Variants in CPS1 observed in about 807,000 individuals in gnomAD.
CPS1 encodes the protein carbamoyl-phosphate synthase 1, also known as carbamoyl-phosphate synthase [ammonia], mitochondrial.
In CPS1, 109 loss-of-function variants were observed where a neutral mutation model predicts 174.6. That is an observed-to-expected ratio of 0.62 (90% CI 0.53 to 0.73). CPS1 has a LOEUF of 0.73. CPS1 is among the 30% of genes least tolerant of loss of function. The pLI, the probability that CPS1 is intolerant of heterozygous loss-of-function variation, is 0.00. For synonymous variants in CPS1, 637 were observed against 632.0 expected, an observed-to-expected ratio of 1.01 and a Z score of -0.12; for missense variants, 1,689 against 1,821.9, an observed-to-expected ratio of 0.93 and a Z score of 1.33.
intron 21 of CPS1, among the ~76,000 whole-genome samples, chr2:210,628,714 C>T (rs1045368114): frequency 6.6e-6 from 1 of 151,796 alleles, no homozygotes; most frequent in African/African-American, 2.4e-5. Flanking sequence ...GCAGGAGAAT[C>T]GCCTGAACTG....
intron 2 of CPS1, among the ~76,000 whole-genome samples, chr2:210,575,065 A>T (rs570599737): frequency 6.6e-6 from 1 of 152,208 alleles, no homozygotes; most frequent in East Asian, 1.9e-4. Flanking sequence ...TTAAAAAATT[A>T]TCAGTTCCTG....
rs528112373 is a variant in CPS1 at position 210,506,678 on chromosome 2, T to C, written c.3+28912T>C. ...TAGAATAACCAATGCAAAGAAGTCC[T>C]TAAAGGACCTGATGGAGCTGAAAAC... On this transcript the variant is annotated intron_variant, in intron 1 of 38. Transcript: ENST00000430249. Among the ~76,000 whole-genome samples the C allele has an allele frequency of 1.2e-4, 19 of 152,234 alleles. No homozygotes were observed. The South Asian group carries it at 4.0e-3, about 32-fold the overall frequency.
At chr2:210,528,008 C>T (rs1288785771) in intron 1 of CPS1, among the ~76,000 whole-genome samples, 1 of 151,868 alleles carries the variant, frequency 6.6e-6, no homozygotes, top group Admixed American at 6.6e-5. Flanking sequence ...TGATCAGACT[C>T]TCTGTATGAG....
At chr2:210,593,614 CA>C in intron 11 of CPS1, 3 of 985,318 alleles carry the variant, frequency 3.0e-6, no homozygotes, top group Non-Finnish European at 3.6e-6. Flanking sequence ...GTGACTTCCC[CA>C]CACCCAGGGG....
intron 13 of CPS1, among the ~76,000 whole-genome samples, chr2:210,599,055 G>C (rs183356005): frequency 1.3e-5 from 2 of 151,936 alleles, no homozygotes; most frequent in East Asian, 3.9e-4. Context: ...TTGAACTACA[G>C]GGTTCAGTAA....
Position 210,588,109 on chromosome 2 carries a change from T to C in CPS1, c.673T>C (p.Cys225Arg). 6.2e-7 allele frequency: 1 copy of C among 1,613,058 alleles called. No homozygotes were observed. Among genetic ancestry groups the C allele is most frequent in the Non-Finnish European group, 8.5e-7 (1 of 1,179,262 alleles). ...CCCCACAAAAGTGGTAGCTGTAGAC[T>C]GTGGGATTAAAAACAATGTAATCCG... ...GNPTKVVAVD[C>R]GIKNNVIRLL... Residue 225 changes from cysteine to arginine, a missense_variant, in exon 7 of 38, where the codon TGT (cysteine) becomes CGT (arginine). Physicochemically the swap from Cys to Arg is radical, Grantham distance 180 (BLOSUM62 -3). Transcript: ENST00000233072.
intron 1 of CPS1, among the ~76,000 whole-genome samples, chr2:210,567,308 A>G (rs1480281223): frequency 6.6e-6 from 1 of 152,192 alleles, no homozygotes; most frequent in Non-Finnish European, 1.5e-5. Flanking sequence ...AAGATGTACC[A>G]GGATTATACA....
chr2:210,496,515 T>C (rs1366467480), intron 1 of CPS1, among the ~76,000 whole-genome samples: 3 of 152,202 alleles, frequency 2.0e-5, no homozygotes, highest in Non-Finnish European at 4.4e-5. Context: ...CAGCAGATCA[T>C]GTTTCTTGGC....
chr2:210,556,633 TGCACCCCTCC>T lies in CPS1; in HGVS notation c.-100_-91del. The stretch of plus-strand genomic sequence containing the variant: ...TGTGCAGTCAGCCTTAAACACTGAC[TGCACCCCTCC>T]CAGATTTCTTTTACATTAACTAAAA... On this transcript the variant is annotated 5_prime_UTR_variant, in exon 1 of 38. Transcript: ENST00000233072. The T allele has an allele frequency of 3.5e-5, 54 of 1,562,804 alleles. 2 individuals carry two copies. The South Asian group carries it at 6.3e-4, about 18-fold the overall frequency.
chr2:210,556,813 A>G lies in CPS1; in HGVS notation c.80A>G (p.Gln27Arg), dbSNP rs1279373364. 6.2e-7 allele frequency: 1 copy of G among 1,613,048 alleles called. No homozygotes were observed. Among genetic ancestry groups the G allele is most frequent in the African/African-American group, 1.3e-5 (1 of 74,874 alleles). The part of the protein sequence containing the change: ...GFGFTNVTAH[Q>R]KWKFSRPGIR... ...GGCTTTACCAATGTGACTGCACACC[A>G]AAAATGGAAATTTTCAAGACCTGGC... Residue 27 changes from glutamine (Q) to arginine (R), a missense_variant, in exon 1 of 38, where the codon CAA (glutamine) becomes CGA (arginine). Gln to Arg is a conservative substitution (Grantham distance 43). Coordinates refer to ENST00000233072, the MANE Select transcript of CPS1 (RefSeq NM_001875.5).
intron 13 of CPS1, among the ~76,000 whole-genome samples, chr2:210,599,168 T>A (rs1371688695): frequency 6.6e-6 from 1 of 151,884 alleles, no homozygotes; most frequent in Non-Finnish European, 1.5e-5. Context: ...CCAATTCTTT[T>A]GGATAGTTTC....
chr2:210,676,029 T>C (rs141339481), intron 36 of CPS1, among the ~76,000 whole-genome samples, 189 bp downstream of exon 36: 2 of 152,230 alleles, frequency 1.3e-5, no homozygotes, highest in African/African-American at 2.4e-5. Flanking sequence ...TACATGGTGA[T>C]ATGAAACGTG....
rs888344814 is a variant in CPS1, at chr2:210,579,230, G to A, written c.472-484G>A. 7.9e-5 allele frequency among the ~76,000 whole-genome samples: 12 copies of A among 151,964 alleles called. 1 individual carries two copies. The highest frequency in any genetic ancestry group is 2.9e-4 in the African/African-American group (12 of 41,366). ...TATACCACATGTGTCTCTATCCAAC[G>A]TAGTCAAAGAACCTTAAAACAAATG... On this transcript the variant is annotated intron_variant, in intron 4 of 37. Transcript: ENST00000233072.
chr2:210,482,176 G>A (rs1694587248), intron 1 of CPS1, among the ~76,000 whole-genome samples: 1 of 152,150 alleles, frequency 6.6e-6, no homozygotes, highest in African/African-American at 2.4e-5. Flanking sequence ...CTCCGAGTTC[G>A]GAAGCAGCAA....
intron 12 of CPS1, among the ~76,000 whole-genome samples, chr2:210,595,023 A>C (rs1698441179): frequency 6.6e-6 from 1 of 151,858 alleles, no homozygotes; most frequent in Non-Finnish European, 1.5e-5. Flanking sequence ...GTATTATTTT[A>C]CCTCTAAAAA....
intron 1 of CPS1, among the ~76,000 whole-genome samples, chr2:210,492,970 C>T (rs1217990563): frequency 1.3e-5 from 2 of 152,020 alleles, no homozygotes. Flanking sequence ...ATTTTCAAGA[C>T]GTCTGCAACA....
intron 1 of CPS1, among the ~76,000 whole-genome samples, chr2:210,530,587 T>C (rs1189751783): frequency 6.6e-6 from 1 of 152,092 alleles, no homozygotes; most frequent in East Asian, 1.9e-4. Context: ...GTATAATTAT[T>C]TTCATTCCTT....
At chr2:210,589,261 G>A (rs2106105978) in intron 7 of CPS1, among the ~76,000 whole-genome samples, 1 of 152,088 alleles carries the variant, frequency 6.6e-6, no homozygotes, top group Non-Finnish European at 1.5e-5. Context: ...TGTTTAGTAT[G>A]GAAGTACCTT....
At chr2:210,619,653 T>G (rs1699437485) in intron 21 of CPS1, 1 of 152,088 alleles carries the variant, frequency 6.6e-6, no homozygotes, top group Non-Finnish European at 1.5e-5. Context: ...AGGAAGCAAT[T>G]GATAGCTACG....
Sources: allele counts gnomAD v4.1 joint callset (sites outside exome capture counted in the v4.1 genomes callset), GRCh38; gene constraint gnomAD v4.1.1; transcripts MANE v1.5; gene names NCBI Gene and HGNC (gene_info 2026-07-23, HGNC 2026-07-21).